The following CACNB2 variants were observed in gnomAD, a reference collection of about 807,000 sequenced individuals.
CACNB2 encodes calcium voltage-gated channel auxiliary subunit beta 2, also known as voltage-dependent L-type calcium channel subunit beta-2.
In CACNB2, 42 loss-of-function variants were observed where a neutral mutation model predicts 73.3. That is an observed-to-expected ratio of 0.57 (90% confidence interval 0.45 to 0.74). The LOEUF (loss-of-function observed/expected upper bound fraction) is 0.74. CACNB2 is among the 30% of genes least tolerant of loss of function. The pLI is 0.00. For missense variants in CACNB2, 940 were observed against 853.0 expected, an observed-to-expected ratio of 1.10 and a Z score of -1.27; for synonymous variants, 348 against 310.3, an observed-to-expected ratio of 1.12 and a Z score of -1.28.
intron 1 of CACNB2, among the ~76,000 whole-genome samples, chr10:18,145,647 A>C (rs1197118098): frequency 6.6e-6 from 1 of 152,162 alleles, no homozygotes; most frequent in Non-Finnish European, 1.5e-5. Context: ...GCTAAGCAAA[A>C]TATGTTAACC....
At chr10:18,223,944 C>A (rs1250517724) in intron 2 of CACNB2, among the ~76,000 whole-genome samples, 1 of 151,596 alleles carries the variant, frequency 6.6e-6, no homozygotes, top group Non-Finnish European at 1.5e-5. Context: ...TAATAGGCAG[C>A]CTACCCCTTC....
At chr10:18,253,222 C>T (rs1180745827) in intron 2 of CACNB2, among the ~76,000 whole-genome samples, 2 of 152,118 alleles carry the variant, frequency 1.3e-5, no homozygotes, top group African/African-American at 2.4e-5. Flanking sequence ...TGTACCTCTT[C>T]GCTTGAGTCC....
intron 3 of CACNB2, among the ~76,000 whole-genome samples, chr10:18,478,500 TC>T (rs2048554797): frequency 6.6e-6 from 1 of 152,204 alleles, no homozygotes; most frequent in South Asian, 2.1e-4. Flanking sequence ...GTAGTAAACT[TC>T]TGAAGCTGCT....
At chr10:18,266,595 T>A (rs1373259592) in intron 2 of CACNB2, among the ~76,000 whole-genome samples, 2 of 152,012 alleles carry the variant, frequency 1.3e-5, no homozygotes, top group Non-Finnish European at 2.9e-5. Flanking sequence ...ACAGTTAAAA[T>A]AAGTGTGAGC....
rs942983955 is a variant in CACNB2 at position 18,241,654 on chromosome 10, A to T, written c.213+90679A>T. On this transcript the variant is annotated intron_variant, in intron 2 of 13. Coordinates refer to ENST00000324631, the MANE Select transcript of CACNB2 (RefSeq NM_201596.3). ...AAACAAAAGTAAAAAATTAACCATGAATACAAAAATGAGACAAGGGGAAAG... is the reference window on the plus strand; with the variant it reads ...AAACAAAAGTAAAAAATTAACCATGTATACAAAAATGAGACAAGGGGAAAG... 3.9e-5 allele frequency among the ~76,000 whole-genome samples: 6 copies of T among 152,338 alleles called. No homozygotes were observed. In the South Asian group the frequency reaches 1.2e-3, roughly 32 times the overall value.
chr10:18,354,584 T>C (rs1298103), intron 2 of CACNB2, among the ~76,000 whole-genome samples: 137,225 of 152,142 alleles, frequency 0.9, 62,443 homozygotes, highest in Non-Finnish European at 0.94. Context: ...GGTTATTTTG[T>C]GGTGTTTTTG....
intron 2 of CACNB2, among the ~76,000 whole-genome samples, chr10:18,222,397 C>T (rs1398813508): frequency 9.6e-6 from 1 of 104,392 alleles, no homozygotes; most frequent in Non-Finnish European, 2.2e-5. Context: ...TGATTGAAAA[C>T]ACACACACAT....
chr10:18,535,198 G>T (rs2053443808), intron 11 of CACNB2, among the ~76,000 whole-genome samples: 1 of 152,196 alleles, frequency 6.6e-6, no homozygotes, highest in South Asian at 2.1e-4. Context: ...ATGTCATGGA[G>T]TAAGAAAATT....
At chr10:18,406,029 C>A (rs2044269403) in intron 3 of CACNB2, among the ~76,000 whole-genome samples, 1 of 152,160 alleles carries the variant, frequency 6.6e-6, no homozygotes, top group African/African-American at 2.4e-5. Flanking sequence ...AACCTTCAAT[C>A]TTGAGTCCAT....
intron 2 of CACNB2, among the ~76,000 whole-genome samples, chr10:18,220,276 A>AGAGAGAGAGAGAGAG (rs1564354242): frequency 7.2e-5 from 4 of 55,212 alleles, no homozygotes; most frequent in Non-Finnish European, 1.4e-4. Flanking sequence ...GAGAGAGAGA[A>AGAGAGAGAGAGAGAG]AGAGAGAGAA....
intron 3 of CACNB2, among the ~76,000 whole-genome samples, chr10:18,437,098 G>A (rs2046174267): frequency 1.3e-5 from 2 of 152,176 alleles, no homozygotes; most frequent in African/African-American, 4.8e-5. Flanking sequence ...TACTTCTAGA[G>A]ACATGACGTC....
chr10:18,288,093 A>G (rs1418839261), intron 2 of CACNB2, among the ~76,000 whole-genome samples: 1 of 152,172 alleles, frequency 6.6e-6, no homozygotes. Context: ...GACACCAGTC[A>G]TATTGGATTA....
chr10:18,179,903 G>C (rs1376803762), intron 2 of CACNB2, among the ~76,000 whole-genome samples: 1 of 152,130 alleles, frequency 6.6e-6, no homozygotes, highest in East Asian at 1.9e-4. Context: ...TGACAGAGGG[G>C]CGTGTTATTT....
chr10:18,160,456 C>T (rs1282954262), intron 2 of CACNB2, among the ~76,000 whole-genome samples: 1 of 152,058 alleles, frequency 6.6e-6, no homozygotes, highest in African/African-American at 2.4e-5. Flanking sequence ...TTTTATTCAT[C>T]TTCTGTTTGG....
intron 3 of CACNB2, among the ~76,000 whole-genome samples, chr10:18,476,224 T>A (rs865844506): frequency 6.6e-6 from 1 of 151,964 alleles, no homozygotes; most frequent in African/African-American, 2.4e-5. Flanking sequence ...CTGGTAGGAG[T>A]GTCTTTTAAC....
intron 1 of CACNB2, 125 bp from the exon 2 acceptor site, chr10:18,150,758 T>G (rs2031444685): frequency 3.2e-6 from 2 of 627,980 alleles, no homozygotes. Context: ...CTAATGATGC[T>G]TACATGATGG....
intron 2 of CACNB2, among the ~76,000 whole-genome samples, chr10:18,333,657 T>A (rs1564444582): frequency 6.6e-6 from 1 of 152,244 alleles, no homozygotes; most frequent in Non-Finnish European, 1.5e-5. Context: ...TTTGCTGTTA[T>A]GATTCACTGT....
chr10:18,494,355 T>C (rs2049642929), intron 3 of CACNB2, among the ~76,000 whole-genome samples: 1 of 151,944 alleles, frequency 6.6e-6, no homozygotes. Flanking sequence ...CTGGGCTGGG[T>C]GCGGTGGCTC....
At chr10:18,468,245 A>T (rs148085314) in intron 3 of CACNB2, among the ~76,000 whole-genome samples, 56 of 152,210 alleles carry the variant, frequency 3.7e-4, no homozygotes, top group Non-Finnish European at 7.2e-4. Flanking sequence ...CGATTTCTTG[A>T]GCTCGAGTTT....
Sources: allele counts gnomAD v4.1 joint callset (sites outside exome capture counted in the v4.1 genomes callset), GRCh38; gene constraint gnomAD v4.1.1; transcripts MANE v1.5; gene names NCBI Gene and HGNC (gene_info 2026-07-23, HGNC 2026-07-21).